Variants in INPP4B observed in about 807,000 individuals in gnomAD.
INPP4B encodes the protein inositol polyphosphate-4-phosphatase type II B, also known as inositol polyphosphate 4-phosphatase type II.
In INPP4B, 55 loss-of-function variants were observed where a neutral mutation model predicts 122.5. That is an observed-to-expected ratio of 0.45 (90% CI 0.36 to 0.56). The LOEUF (loss-of-function observed/expected upper bound fraction) is 0.56, where lower values mean the gene tolerates loss of function less well. Among genes scored for constraint, INPP4B ranks in the 20% least tolerant of loss-of-function variants. The pLI is 0.00. For missense variants in INPP4B, 1,000 were observed against 1,097.7 expected (o/e 0.91, Z 1.26); for synonymous variants, 403 against 388.7 (o/e 1.04, Z -0.43).
intron 12 of INPP4B, among the ~76,000 whole-genome samples, chr4:142,230,052 C>T (rs1158614933): frequency 1.3e-5 from 2 of 152,082 alleles, no homozygotes; most frequent in African/African-American, 2.4e-5. Context: ...TGTAAGGGTT[C>T]GTGTATTCAT....
chr4:142,328,312 A>T (rs191715617), intron 7 of INPP4B, among the ~76,000 whole-genome samples: 1 of 151,744 alleles, frequency 6.6e-6, no homozygotes, highest in East Asian at 1.9e-4. Context: ...AACTAACTAC[A>T]TACTGAAACC....
intron 5 of INPP4B, among the ~76,000 whole-genome samples, chr4:142,417,035 C>T (rs904580928): frequency 1.3e-5 from 2 of 152,024 alleles, no homozygotes; most frequent in Non-Finnish European, 2.9e-5. Context: ...CAGACAACTT[C>T]GTGGGAAAGA....
intron 2 of INPP4B, among the ~76,000 whole-genome samples, chr4:142,554,257 T>C (rs1728644860): frequency 6.9e-6 from 1 of 145,914 alleles, no homozygotes; most frequent in South Asian, 2.2e-4. Flanking sequence ...AGATCCACCA[T>C]CACCCAGAAT....
chr4:142,113,479 G>A (rs1377179164), intron 21 of INPP4B, among the ~76,000 whole-genome samples: 1 of 151,948 alleles, frequency 6.6e-6, no homozygotes, highest in Non-Finnish European at 1.5e-5. Context: ...TAAGCATAGG[G>A]CAAATAGTGA....
At chr4:142,444,709 G>A (rs944440916) in intron 3 of INPP4B, among the ~76,000 whole-genome samples, 12 of 152,150 alleles carry the variant, frequency 7.9e-5, no homozygotes, top group African/African-American at 2.4e-4. Flanking sequence ...ACATGCACAT[G>A]TATGTTTACT....
chr4:142,081,499 C>T (rs534346192), intron 25 of INPP4B, among the ~76,000 whole-genome samples: 2 of 152,182 alleles, frequency 1.3e-5, no homozygotes, highest in South Asian at 4.2e-4. Context: ...AGTGTCATCC[C>T]ATCTTCATGA....
intron 5 of INPP4B, among the ~76,000 whole-genome samples, chr4:142,421,046 G>T (rs1278751911): frequency 6.6e-6 from 1 of 151,944 alleles, no homozygotes; most frequent in African/African-American, 2.4e-5. Flanking sequence ...AGAAACATTG[G>T]GCTATTTTTC....
Position 142,367,938 on chromosome 4 carries a change from C to A in INPP4B, c.372+35000G>T, listed in dbSNP as rs1289029090. Among the ~76,000 whole-genome samples the A allele has an allele frequency of 2.0e-5, 3 of 152,180 alleles. No homozygotes were observed. The South Asian group carries it at 6.2e-4, about 32-fold the overall frequency. ...AACAGGAAGTTGGAAATATTACATG[C>A]CAAACTTTTGAATGAACAAATGTGC... is the stretch of plus-strand genomic sequence containing the variant. On this transcript the variant is annotated intron_variant, in intron 7 of 25. Coordinates refer to ENST00000262992, the MANE Select transcript of INPP4B (RefSeq NM_001101669.3).
intron 23 of INPP4B, among the ~76,000 whole-genome samples, chr4:142,088,465 C>T (rs1305796142): frequency 1.3e-5 from 2 of 151,764 alleles, no homozygotes; most frequent in Admixed American, 1.3e-4. Flanking sequence ...AAGAATTGGC[C>T]AGATTAATGA....
At chr4:142,493,458 T>C (rs1328782626) in intron 2 of INPP4B, among the ~76,000 whole-genome samples, 1 of 152,166 alleles carries the variant, frequency 6.6e-6, no homozygotes, top group Non-Finnish European at 1.5e-5. Context: ...GTAGGGGAGC[T>C]GTACCTACAG....
At chr4:142,520,156 C>T (rs775019491) in intron 2 of INPP4B, among the ~76,000 whole-genome samples, 8 of 151,808 alleles carry the variant, frequency 5.3e-5, no homozygotes, top group Admixed American at 1.3e-4. Flanking sequence ...GCTTTTAGAG[C>T]GGCATGAATT....
chr4:142,806,817 A>AAGAAAGAT (rs1778896054), intron 1 of INPP4B, among the ~76,000 whole-genome samples: 4 of 150,522 alleles, frequency 2.7e-5, no homozygotes, highest in South Asian at 2.1e-4. Context: ...GAAAGAAAGA[A>AAGAAAGAT]AGAAAGAAAG....
chr4:142,530,550 C>CATATATATATAT lies in INPP4B; in HGVS notation c.-190-67836_-190-67825dup, dbSNP rs35595178. Reference sequence around the variant, plus strand: ...AGTGATATACATATATATGTGTGTGCATATATATATATATATATATATATA... The same window carrying CATATATATATAT: ...AGTGATATACATATATATGTGTGTGCATATATATATATATATATATATATATATATATATATA... On this transcript the variant is annotated intron_variant, in intron 2 of 25. Coordinates refer to ENST00000262992, the MANE Select transcript of INPP4B (RefSeq NM_001101669.3). 3.6e-3 allele frequency among the ~76,000 whole-genome samples: 510 copies of CATATATATATAT among 140,372 alleles called. 7 individuals are homozygous for CATATATATATAT. Among genetic ancestry groups the CATATATATATAT allele is most frequent in the African/African-American group, 0.013 (467 of 37,224 alleles). The allele number at this position is 140,372 out of a possible 152,430, so 92.1% of individuals were successfully genotyped here. A position where few individuals can be genotyped will look rare whatever the true frequency, so the allele number is the denominator to read the frequency against.
intron 2 of INPP4B, among the ~76,000 whole-genome samples, chr4:142,499,691 C>T (rs576786373): frequency 1.3e-5 from 2 of 152,268 alleles, no homozygotes; most frequent in South Asian, 4.1e-4. Context: ...AGGATGTTGT[C>T]ATCCATCAAC....
intron 25 of INPP4B, among the ~76,000 whole-genome samples, chr4:142,060,817 C>T (rs1560975868): frequency 6.6e-6 from 1 of 152,162 alleles, no homozygotes. Flanking sequence ...GTGCTTGATA[C>T]TTAGTAAGCA....
intron 7 of INPP4B, among the ~76,000 whole-genome samples, chr4:142,369,617 A>AAT (rs1469622210): frequency 2.3e-4 from 33 of 145,494 alleles, no homozygotes; most frequent in Non-Finnish European, 3.6e-4. Context: ...TAAATAAATA[A>AAT]AAATAAAAAA....
chr4:142,841,247 C>A (rs2151211692), intron 1 of INPP4B, among the ~76,000 whole-genome samples: 1 of 152,056 alleles, frequency 6.6e-6, no homozygotes. Context: ...CTCCATGCAC[C>A]TATAGGTTCT....
At chr4:142,296,789 C>T (rs1046403666) in intron 9 of INPP4B, among the ~76,000 whole-genome samples, 1 of 152,178 alleles carries the variant, frequency 6.6e-6, no homozygotes, top group Non-Finnish European at 1.5e-5. Context: ...TTGCATTCTC[C>T]CCAAGTTCTA....
At chr4:142,069,106 A>T (rs903609571) in intron 25 of INPP4B, among the ~76,000 whole-genome samples, 16 of 152,334 alleles carry the variant, frequency 1.1e-4, no homozygotes, top group African/African-American at 3.6e-4. Flanking sequence ...AGCAAATGTA[A>T]AAGAACAGAA....
Sources: allele counts gnomAD v4.1 joint callset (sites outside exome capture counted in the v4.1 genomes callset), GRCh38; gene constraint gnomAD v4.1.1; transcripts MANE v1.5; gene names NCBI Gene and HGNC (gene_info 2026-07-23, HGNC 2026-07-21).